The following PCDHGA2 variants were observed in gnomAD, a reference collection of about 807,000 sequenced individuals.
The protein encoded by PCDHGA2 is protocadherin gamma-A2.
A neutral mutation model predicts 59.2 loss-of-function variants in PCDHGA2; 40 were observed. The ratio of observed to expected loss-of-function variants is 0.68; its 90% CI spans 0.52 to 0.88. The LOEUF is 0.88. Ranked by LOEUF, PCDHGA2 falls within the 40% of genes least tolerant of loss-of-function variation. PCDHGA2 has a pLI of 0.00. For missense variants in PCDHGA2, 1,226 were observed against 1,204.0 expected (o/e 1.02, Z -0.27); for synonymous variants, 560 against 526.0 (o/e 1.06, Z -0.89).
intron 1 of PCDHGA2, chr5:141,372,593 C>G (rs748684942): frequency 6.2e-7 from 1 of 1,614,030 alleles, no homozygotes; most frequent in Non-Finnish European, 8.5e-7. Context: ...GTGTCTGCTT[C>G]AAGACTGTAC....
At chr5:141,381,986 C>A (rs1360595056) in intron 1 of PCDHGA2, among the ~76,000 whole-genome samples, 1 of 151,810 alleles carries the variant, frequency 6.6e-6, no homozygotes, top group East Asian at 1.9e-4. Flanking sequence ...CGCGCCACCA[C>A]GCCCGGATAA....
chr5:141,355,206 G>T lies in PCDHGA2; in HGVS notation c.2424+13811G>T, dbSNP rs377415037. ...GACTCCGCGGCGGGGTTGTAATGGCGGCGCCTCCTGCTCGCCCAGACCACA... is the reference window on the plus strand; with the variant it reads ...GACTCCGCGGCGGGGTTGTAATGGCTGCGCCTCCTGCTCGCCCAGACCACA... On this transcript the variant is annotated intron_variant, in intron 1 of 3. Coordinates refer to ENST00000394576, the MANE Select transcript of PCDHGA2 (RefSeq NM_018915.4). The T allele has an allele frequency of 2.4e-5, 39 of 1,598,352 alleles. 1 individual carries two copies. The highest frequency in any genetic ancestry group is 3.2e-5 in the Non-Finnish European group (37 of 1,171,044).
intron 1 of PCDHGA2, among the ~76,000 whole-genome samples, chr5:141,483,526 G>A (rs2099582495): frequency 6.6e-6 from 1 of 152,118 alleles, no homozygotes; most frequent in African/African-American, 2.4e-5. Flanking sequence ...TCCTGACTAA[G>A]GAAGCTGGGT....
intron 1 of PCDHGA2, chr5:141,376,429 G>A (rs1213536945): frequency 1.9e-5 from 31 of 1,614,088 alleles, no homozygotes; most frequent in Non-Finnish European, 2.5e-5. Context: ...TTATCAACCA[G>A]GAGAGCTATG....
At chr5:141,374,137 G>T (rs1479377011) in intron 1 of PCDHGA2, 11 of 1,606,212 alleles carry the variant, frequency 6.8e-6, no homozygotes, top group African/African-American at 1.3e-5. Flanking sequence ...TGCTCCTCAC[G>T]CTCCTGGGGA....
chr5:141,365,723 A>T, intron 1 of PCDHGA2: 1 of 1,613,726 alleles, frequency 6.2e-7, no homozygotes, highest in South Asian at 1.1e-5. Context: ...CACAGAAAAC[A>T]ATCCCAGAGG....
intron 1 of PCDHGA2, among the ~76,000 whole-genome samples, chr5:141,381,826 C>CTTCT (rs1777532522): frequency 2.0e-4 from 15 of 74,296 alleles, no homozygotes; most frequent in South Asian, 5.2e-4. Context: ...CTTTCTTCTT[C>CTTCT]TTTTTTTTTT....
At position 141,486,092 on chromosome 5, in the gene PCDHGA2, C is replaced by T. The variant is rs2099624294; in HGVS notation, c.2425-8715C>T. The T allele has an allele frequency of 3.7e-6, 6 of 1,614,148 alleles. No homozygotes were observed. In the East Asian group the frequency reaches 1.3e-4, roughly 36 times the overall value. On this transcript the variant is annotated intron_variant, in intron 1 of 3. Coordinates refer to ENST00000394576, the MANE Select transcript of PCDHGA2 (RefSeq NM_018915.4). This position sits in a 1 kb window ranked among gnomAD's most constrained non-coding sequence, Gnocchi z 5.0. Reference sequence around the variant, plus strand: ...TACTGGAAAGCTTACTCTTTTGGGGCCCCTAGACTTTGAGAGTGAGAATTA... The same window carrying T: ...TACTGGAAAGCTTACTCTTTTGGGGTCCCTAGACTTTGAGAGTGAGAATTA...
rs1329711555 is a variant in PCDHGA2 at position 141,340,699 on chromosome 5, G to C, written c.1728G>C (p.Glu576Asp). The C allele has an allele frequency of 6.2e-7, 1 of 1,614,040 alleles. No individual in the cohort carries two copies. Among genetic ancestry groups the C allele is most frequent in the African/African-American group, 1.3e-5 (1 of 74,922 alleles). Residue 576 changes from glutamate (E) to aspartate (D), a missense_variant, in exon 1 of 4, where the codon GAG (glutamate) becomes GAC (aspartate). Physicochemically the swap from Glu to Asp is conservative, Grantham distance 45. Coordinates refer to ENST00000394576, the MANE Select transcript of PCDHGA2 (RefSeq NM_018915.4). ...AFPTDGSTGV[E>D]LAPRSAEPGY... ...CCACAGACGGTTCCACTGGCGTGGA[G>C]CTGGCGCCCCGCTCCGCAGAGCCCG...
intron 1 of PCDHGA2, chr5:141,365,783 G>A: frequency 6.2e-7 from 1 of 1,613,842 alleles, no homozygotes; most frequent in Non-Finnish European, 8.5e-7. Flanking sequence ...CGGCGACAAC[G>A]CTCGAGTCAC....
At chr5:141,387,439 A>G (rs1437445923) in intron 1 of PCDHGA2, among the ~76,000 whole-genome samples, 2 of 152,248 alleles carry the variant, frequency 1.3e-5, no homozygotes, top group African/African-American at 4.8e-5. Context: ...TTATGTACTT[A>G]ATCTACATGA....
At chr5:141,372,218 T>C in intron 1 of PCDHGA2, 1 of 1,613,544 alleles carries the variant, frequency 6.2e-7, no homozygotes, top group Non-Finnish European at 8.5e-7. Flanking sequence ...CCTACCACAT[T>C]GTGCAGGCCA....
intron 1 of PCDHGA2, chr5:141,414,054 G>A: frequency 6.2e-7 from 1 of 1,610,250 alleles, no homozygotes; most frequent in Non-Finnish European, 8.5e-7. Flanking sequence ...ACACGCAATT[G>A]TTGAAGTTCC....
intron 1 of PCDHGA2, chr5:141,356,634 C>A (rs750676193): frequency 4.3e-6 from 7 of 1,614,158 alleles, no homozygotes; most frequent in Non-Finnish European, 5.9e-6. Context: ...CTGCTCAAGA[C>A]CCTGACAGTG....
intron 1 of PCDHGA2, chr5:141,415,059 C>A: frequency 1.2e-6 from 2 of 1,613,396 alleles, no homozygotes; most frequent in Non-Finnish European, 1.7e-6. Flanking sequence ...AGCACACGGG[C>A]GAGGTGCGCA....
intron 1 of PCDHGA2, chr5:141,419,434 G>A (rs372006900): frequency 2.5e-5 from 41 of 1,613,112 alleles, no homozygotes; most frequent in Non-Finnish European, 3.3e-5. Flanking sequence ...ACGAGCAGCT[G>A]CGCACCTTCG....
At position 141,351,054 on chromosome 5, in the gene PCDHGA2, A is replaced by C. The variant is rs777091464; in HGVS notation, c.2424+9659A>C. 13 of 1,613,938 alleles carry C rather than the reference A, an allele frequency of 8.1e-6. No individual in the cohort carries two copies. In the Admixed American group the frequency reaches 8.3e-5, roughly 10 times the overall value. ...TCCGTGCTGCGGGTGATGGCCACAG[A>C]CCAGGATGAGGGCATTAATGCAGAG... On this transcript the variant is annotated intron_variant, in intron 1 of 3. Transcript: ENST00000394576.
chr5:141,505,210 A>G (rs899138393), intron 2 of PCDHGA2, among the ~76,000 whole-genome samples, 183 bp from the exon 3 acceptor site: 3 of 152,192 alleles, frequency 2.0e-5, no homozygotes, highest in African/African-American at 7.2e-5. Flanking sequence ...GGTTTGAGGG[A>G]CTGACTTGTG....
intron 1 of PCDHGA2, among the ~76,000 whole-genome samples, chr5:141,470,717 A>G (rs1353989037): frequency 6.6e-6 from 1 of 152,010 alleles, no homozygotes; most frequent in Non-Finnish European, 1.5e-5. Flanking sequence ...TATTTTTTTG[A>G]GTCAGGGTCT....
Sources: gnomAD v4.1 joint callset for allele counts (sites outside exome capture counted in the v4.1 genomes callset) on GRCh38, gnomAD v4.1.1 for gene constraint, Gnocchi (gnomAD v3.1) non-coding constraint, MANE v1.5 for transcripts, NCBI Gene and HGNC (gene_info 2026-07-23, HGNC 2026-07-21) for gene names.